Variants in CLIP2 observed in about 807,000 individuals in gnomAD.
CLIP2 encodes the protein CAP-Gly domain-containing linker protein 2.
A neutral mutation model predicts 111.7 loss-of-function variants in CLIP2; 41 were observed. The observed-to-expected ratio is 0.37, with a 90% confidence interval of 0.29 to 0.48. The LOEUF is 0.48. Ranked by LOEUF, CLIP2 falls within the 20% of genes least tolerant of loss-of-function variation. The pLI is 0.99. For synonymous variants in CLIP2, 660 were observed against 644.2 expected (o/e 1.02, Z -0.37); for missense variants, 1,160 against 1,422.1 (o/e 0.82, Z 2.96).
intron 2 of CLIP2, among the ~76,000 whole-genome samples, chr7:74,323,927 C>T (rs1182749336): frequency 2.6e-5 from 4 of 152,182 alleles, no homozygotes; most frequent in South Asian, 2.1e-4. Flanking sequence ...ATGGTATCCC[C>T]GTCGTTAAGT....
chr7:74,400,262 G>A, intron 14 of CLIP2, 108 bp from the exon 15 acceptor site: 1 of 1,001,908 alleles, frequency 1.0e-6, no homozygotes, highest in Non-Finnish European at 1.5e-6. Context: ...CCCAGGCTTG[G>A]AACCCAGAGA....
chr7:74,370,432 G>A (rs1271514178), intron 8 of CLIP2, among the ~76,000 whole-genome samples: 2 of 150,512 alleles, frequency 1.3e-5, no homozygotes, highest in Non-Finnish European at 3.0e-5. Context: ...CTCCAGCCTG[G>A]GCAACAGAGC....
intron 11 of CLIP2, among the ~76,000 whole-genome samples, chr7:74,385,263 C>A (rs1303453480): frequency 6.6e-6 from 1 of 151,356 alleles, no homozygotes; most frequent in African/African-American, 2.4e-5. Flanking sequence ...CCACTGCACT[C>A]CAGCCTGGGT....
intron 6 of CLIP2, among the ~76,000 whole-genome samples, 170 bp from the exon 7 acceptor site, chr7:74,360,005 C>T (rs1790279850): frequency 6.6e-6 from 1 of 152,166 alleles, no homozygotes; most frequent in Admixed American, 6.6e-5. Context: ...CCTACTGGGT[C>T]CCCTCCTTCA....
chr7:74,291,049 A>G (rs1584295395), intron 1 of CLIP2, among the ~76,000 whole-genome samples: 1 of 152,146 alleles, frequency 6.6e-6, no homozygotes, highest in Non-Finnish European at 1.5e-5. Context: ...AAGGGCTTGG[A>G]GTCAGAAAAG....
chr7:74,359,557 A>G (rs182104413), intron 6 of CLIP2, among the ~76,000 whole-genome samples: 2,209 of 151,800 alleles, frequency 0.015, 20 homozygotes, highest in East Asian at 0.035. Context: ...GGGTTTCACC[A>G]TGTTAGCCAG....
intron 2 of CLIP2, among the ~76,000 whole-genome samples, chr7:74,333,082 C>T (rs1789344863): frequency 6.6e-6 from 1 of 152,208 alleles, no homozygotes; most frequent in Admixed American, 6.5e-5. Flanking sequence ...GTCCTTAGGC[C>T]CTTGTCATGC....
At chr7:74,346,812 T>G (rs762368706) in intron 3 of CLIP2, among the ~76,000 whole-genome samples, 1 of 150,796 alleles carries the variant, frequency 6.6e-6, no homozygotes, top group Admixed American at 6.6e-5. Context: ...GGTGGGAGGA[T>G]TGCTTGAGCC....
intron 2 of CLIP2, among the ~76,000 whole-genome samples, chr7:74,337,536 G>A (rs1426879530): frequency 6.6e-5 from 10 of 152,040 alleles, no homozygotes; most frequent in Non-Finnish European, 1.0e-4. Context: ...CCTTGAGAAC[G>A]GGTTCCTCCC....
At position 74,338,953 on chromosome 7, in the gene CLIP2, C is replaced by T. The variant is rs782441602; in HGVS notation, c.627C>T (p.Ser209=). The T allele has an allele frequency of 3.8e-6, 6 of 1,599,612 alleles. No individual in the cohort carries two copies. In the African/African-American group the frequency reaches 4.0e-5, roughly 11 times the overall value. The stretch of plus-strand genomic sequence containing the variant: ...AGTCGGGATCCAACCTCTCAGACAG[C>T]GGCTCTGTGAAGCGGGGCGAAAAGG... The part of the protein sequence containing the change: ...GNESGSNLSD[S]GSVKRGEKDL... The change falls in exon 3 of 17, where the codon AGC becomes AGT. Residue 209 remains serine, a synonymous_variant. Transcript: ENST00000223398. The surrounding 1 kb of genome is among the most constrained non-coding windows in gnomAD (Gnocchi z 4.3).
chr7:74,298,467 G>A (rs1411491309), intron 1 of CLIP2, among the ~76,000 whole-genome samples: 1 of 150,608 alleles, frequency 6.6e-6, no homozygotes. Context: ...GCCTCTGCAA[G>A]TGCTGGGATT....
intron 8 of CLIP2, among the ~76,000 whole-genome samples, chr7:74,371,872 CAGG>C (rs1554311939): frequency 6.6e-6 from 1 of 152,060 alleles, no homozygotes; most frequent in Non-Finnish European, 1.5e-5. Context: ...TAATGAATTG[CAGG>C]AGTATTTCTA....
intron 1 of CLIP2, among the ~76,000 whole-genome samples, chr7:74,310,155 G>C (rs1344695824): frequency 6.6e-6 from 1 of 150,914 alleles, no homozygotes; most frequent in Non-Finnish European, 1.5e-5. Flanking sequence ...TTGAGCCCAG[G>C]AGGTCGAGGC....
rs1283661126 is a variant in CLIP2 at position 74,388,462 on chromosome 7, T to TG, written c.2564-640dup. On this transcript the variant is annotated intron_variant, in intron 12 of 16. Transcript: ENST00000223398. The stretch of plus-strand genomic sequence containing the variant: ...TTGCAGTGAGCTGAGAACATGCCAT[T>TG]GCACTCCTGGGCCGACAATAGCAAG... 5.4e-5 allele frequency among the ~76,000 whole-genome samples: 8 copies of TG among 149,354 alleles called. No individual in the cohort carries two copies. The East Asian group carries it at 1.6e-3, about 30-fold the overall frequency.
At chr7:74,342,089 G>T (rs1166892526) in intron 3 of CLIP2, among the ~76,000 whole-genome samples, 1 of 152,136 alleles carries the variant, frequency 6.6e-6, no homozygotes, top group African/African-American at 2.4e-5. Context: ...GAAACTGTGA[G>T]AAGAGGCCTG....
chr7:74,402,385 C>T (rs984256717), intron 16 of CLIP2, among the ~76,000 whole-genome samples: 10 of 148,944 alleles, frequency 6.7e-5, no homozygotes, highest in South Asian at 2.1e-4. Context: ...GGTAGGGTGG[C>T]GCACACCTGT....
At chr7:74,327,574 G>A (rs1195057564) in intron 2 of CLIP2, among the ~76,000 whole-genome samples, 14 of 152,294 alleles carry the variant, frequency 9.2e-5, no homozygotes, top group African/African-American at 3.4e-4. Context: ...AGGAGAGCAG[G>A]TAGGATTGTC....
At chr7:74,304,596 A>G (rs187408131) in intron 1 of CLIP2, among the ~76,000 whole-genome samples, 26 of 151,906 alleles carry the variant, frequency 1.7e-4, no homozygotes, top group African/African-American at 6.3e-4. Flanking sequence ...TAGATATTCA[A>G]AGGAGTAGAC....
chr7:74,390,736 T>G, intron 13 of CLIP2, among the ~76,000 whole-genome samples: 1 of 73,936 alleles, frequency 1.4e-5, no homozygotes. Context: ...AAGTAACTAT[T>G]TTCTGGCGGG....
Sources: gnomAD v4.1 joint callset for allele counts (sites outside exome capture counted in the v4.1 genomes callset) on GRCh38, gnomAD v4.1.1 for gene constraint, Gnocchi (gnomAD v3.1) non-coding constraint, MANE v1.5 for transcripts, NCBI Gene and HGNC (gene_info 2026-07-23, HGNC 2026-07-21) for gene names.